Variants in GRID1 observed in about 807,000 individuals in gnomAD.
GRID1 encodes glutamate ionotropic receptor delta type subunit 1.
GRID1 carries 28 observed loss-of-function variants against 98.0 expected under a neutral mutation model. That is an observed-to-expected ratio of 0.29 (90% CI 0.21 to 0.39). The LOEUF is 0.39. Among genes scored for constraint, GRID1 ranks in the 10% least tolerant of loss-of-function variants. The probability of loss-of-function intolerance (pLI) is 1.00; values close to 1 mark genes in which losing one functional copy is unlikely to be tolerated. For missense variants in GRID1, 1,111 were observed against 1,340.5 expected (o/e 0.83, Z 2.67); for synonymous variants, 553 against 538.5 (o/e 1.03, Z -0.37).
chr10:86,352,675 G>A (rs538021237), intron 2 of GRID1, among the ~76,000 whole-genome samples: 1 of 152,134 alleles, frequency 6.6e-6, no homozygotes, highest in Non-Finnish European at 1.5e-5. Context: ...ATCACATTGG[G>A]GGTTAAGGGC....
intron 2 of GRID1, among the ~76,000 whole-genome samples, chr10:86,239,283 T>C (rs1002556209): frequency 1.3e-5 from 2 of 152,242 alleles, no homozygotes; most frequent in African/African-American, 4.8e-5. Flanking sequence ...CCTCTTGGAA[T>C]GGGTGTATTT....
intron 15 of GRID1, chr10:85,607,225 C>T (rs916679637): frequency 3.3e-5 from 5 of 152,236 alleles, no homozygotes; most frequent in African/African-American, 1.2e-4. Flanking sequence ...ATTAACTAAA[C>T]TATCATCTTT....
intron 8 of GRID1, among the ~76,000 whole-genome samples, chr10:85,763,375 C>T (rs558535473): frequency 1.3e-5 from 2 of 152,232 alleles, no homozygotes; most frequent in South Asian, 2.1e-4. Flanking sequence ...TGTAGGGGGA[C>T]CCTTTTGTTC....
At position 86,206,263 on chromosome 10, in the gene GRID1, AC is replaced by A; in HGVS notation, c.520+100del. 3 of 1,153,412 alleles carry A rather than the reference AC, an allele frequency of 2.6e-6. No homozygotes were observed. The highest frequency in any genetic ancestry group is 3.6e-6 in the Non-Finnish European group (3 of 822,076). 71.4% of individuals were successfully genotyped at this position (1,153,412 alleles called of 1,614,324 possible). On this transcript the variant is annotated intron_variant, in intron 3 of 15. Coordinates refer to ENST00000327946, the MANE Select transcript of GRID1 (RefSeq NM_017551.3). This position sits in a 1 kb window ranked among gnomAD's most constrained non-coding sequence, Gnocchi z 4.1. ...TCACCTGGAGGCCCACTCAGCACAGACCACCCCTGACCGGTCCAGGGCCCCA... is the reference window on the plus strand; with the variant it reads ...TCACCTGGAGGCCCACTCAGCACAGACACCCCTGACCGGTCCAGGGCCCCA...
chr10:86,174,161 C>CA (rs925860049), intron 3 of GRID1, among the ~76,000 whole-genome samples: 26 of 152,072 alleles, frequency 1.7e-4, no homozygotes, highest in African/African-American at 6.0e-4. Flanking sequence ...CATTGACTTT[C>CA]AAAAAAGAGC....
rs560816057 is a variant in GRID1, at chr10:85,601,591, T to A, written c.*682A>T. On this transcript the variant is annotated 3_prime_UTR_variant, in exon 16 of 16. Coordinates refer to ENST00000327946, the MANE Select transcript of GRID1 (RefSeq NM_017551.3). The stretch of plus-strand genomic sequence containing the variant: ...TCAATTACCTCACTATGGGTAATTG[T>A]CAGCTTCTCTCGGGCCCATGGGGCA... The A allele has an allele frequency of 1.7e-4, 26 of 152,346 alleles. No individual in the cohort carries two copies. Among genetic ancestry groups the A allele is most frequent in the African/African-American group, 6.0e-4 (25 of 41,538 alleles). The allele number at this position is 152,346 out of a possible 1,614,324, so 9.4% of individuals were successfully genotyped here.
chr10:85,735,684 G>A (rs536262614), intron 8 of GRID1, among the ~76,000 whole-genome samples: 2 of 152,222 alleles, frequency 1.3e-5, no homozygotes, highest in East Asian at 3.9e-4. Context: ...TTTTCATGGG[G>A]AGGAAGAATA....
chr10:85,745,443 A>G (rs1477422668), intron 8 of GRID1, among the ~76,000 whole-genome samples: 1 of 120,250 alleles, frequency 8.3e-6, no homozygotes, highest in East Asian at 2.3e-4. Flanking sequence ...GAAATTGGAA[A>G]CCATCATTCT....
intron 2 of GRID1, among the ~76,000 whole-genome samples, chr10:86,249,052 C>T (rs1367500127): frequency 3.3e-5 from 5 of 152,198 alleles, no homozygotes; most frequent in Admixed American, 6.5e-5. Flanking sequence ...GCCAGGGGGC[C>T]GAGATCAGCA....
intron 8 of GRID1, among the ~76,000 whole-genome samples, chr10:85,803,248 T>C (rs1411497794): frequency 6.6e-6 from 1 of 152,164 alleles, no homozygotes; most frequent in Non-Finnish European, 1.5e-5. Flanking sequence ...GATTGATTTG[T>C]AACACAAAAG....
At chr10:86,164,679 G>A (rs1845372527) in intron 3 of GRID1, among the ~76,000 whole-genome samples, 1 of 152,190 alleles carries the variant, frequency 6.6e-6, no homozygotes, top group African/African-American at 2.4e-5. Flanking sequence ...TGGAGGAGGA[G>A]TTTGCAATGG....
At chr10:85,859,251 C>T (rs537964330) in intron 6 of GRID1, among the ~76,000 whole-genome samples, 15 of 152,170 alleles carry the variant, frequency 9.9e-5, no homozygotes, top group Non-Finnish European at 1.5e-4. Flanking sequence ...GTTTCATGGC[C>T]GAACACATGG....
At position 85,724,588 on chromosome 10, in the gene GRID1, A is replaced by G; in HGVS notation, c.1622T>C (p.Val541Ala). The G allele has an allele frequency of 6.2e-7, 1 of 1,613,526 alleles. No individual in the cohort carries two copies. The change falls in exon 11 of 16, where the codon GTG becomes GCG. Residue 541 changes from valine (V) to alanine (A), a missense_variant. Coordinates refer to ENST00000327946, the MANE Select transcript of GRID1 (RefSeq NM_017551.3). Reference sequence around the variant, plus strand: ...CTCGGGCTTCTTAATTAGAATCCCCACTGAATAGTCCATGTACCGCTTGCT... The same window carrying G: ...CTCGGGCTTCTTAATTAGAATCCCCGCTGAATAGTCCATGTACCGCTTGCT... ...DFSKRYMDYS[V>A]GILIKKPEEK...
intron 8 of GRID1, among the ~76,000 whole-genome samples, chr10:85,846,712 A>T (rs1055645285): frequency 1.3e-5 from 2 of 152,156 alleles, no homozygotes; most frequent in Non-Finnish European, 2.9e-5. Context: ...ATGAAGAGGG[A>T]GATATGTCAA....
chr10:86,149,641 T>C (rs1410832169), intron 3 of GRID1, among the ~76,000 whole-genome samples: 3 of 152,242 alleles, frequency 2.0e-5, no homozygotes, highest in Admixed American at 6.5e-5. Context: ...TCTGGCACTT[T>C]CGAAAAAACA....
chr10:86,354,526 G>A (rs1038724576), intron 2 of GRID1, among the ~76,000 whole-genome samples: 9 of 152,210 alleles, frequency 5.9e-5, no homozygotes, highest in African/African-American at 1.7e-4. Flanking sequence ...CTGGCCATAC[G>A]TCCTCTCTAG....
At chr10:85,803,226 A>C (rs1347495146) in intron 8 of GRID1, among the ~76,000 whole-genome samples, 1 of 152,134 alleles carries the variant, frequency 6.6e-6, no homozygotes, top group Admixed American at 6.6e-5. Context: ...AATAACTAAA[A>C]GAGTATAATT....
intron 2 of GRID1, among the ~76,000 whole-genome samples, chr10:86,213,588 TCCCACA>T (rs2132024537): frequency 6.6e-6 from 1 of 152,156 alleles, no homozygotes; most frequent in African/African-American, 2.4e-5. Flanking sequence ...TCTGGCCTTT[TCCCACA>T]CCCAGATCCA....
intron 8 of GRID1, among the ~76,000 whole-genome samples, chr10:85,747,896 A>G (rs74630956): frequency 0.033 from 4,957 of 152,336 alleles, 126 homozygotes; most frequent in Middle Eastern, 0.048. Flanking sequence ...TTTCAGTACC[A>G]GTAAGTCTTC....
Sources: gnomAD v4.1 joint callset for allele counts (sites outside exome capture counted in the v4.1 genomes callset) on GRCh38, gnomAD v4.1.1 for gene constraint, Gnocchi (gnomAD v3.1) non-coding constraint, MANE v1.5 for transcripts, NCBI Gene and HGNC (gene_info 2026-07-23, HGNC 2026-07-21) for gene names.